Variants in VPS35L observed in about 807,000 individuals in gnomAD.
VPS35L encodes VPS35 endosomal protein sorting factor like.
A neutral mutation model predicts 133.0 loss-of-function variants in VPS35L; 83 were observed. The observed-to-expected ratio is 0.62, with a 90% CI of 0.52 to 0.75. The LOEUF (loss-of-function observed/expected upper bound fraction) is 0.75. VPS35L is among the 30% of genes least tolerant of loss of function. The probability of loss-of-function intolerance (pLI) is 0.00; values close to 1 mark genes in which losing one functional copy is unlikely to be tolerated. For missense variants in VPS35L, 1,083 were observed against 1,206.8 expected (o/e 0.90, Z 1.52); for synonymous variants, 423 against 449.9 (o/e 0.94, Z 0.76).
intron 29 of VPS35L, among the ~76,000 whole-genome samples, chr16:19,692,855 G>A (rs968454604): frequency 2.0e-5 from 3 of 152,194 alleles, no homozygotes; most frequent in Non-Finnish European, 4.4e-5. Flanking sequence ...GAGCTATTGC[G>A]CCCGGCCAAT....
intron 14 of VPS35L, among the ~76,000 whole-genome samples, chr16:19,624,578 C>T (rs1159722204): frequency 2.0e-5 from 3 of 148,056 alleles, no homozygotes; most frequent in Non-Finnish European, 3.0e-5. Flanking sequence ...GAGTAAGACT[C>T]GTCTCTCTGT....
intron 18 of VPS35L, among the ~76,000 whole-genome samples, chr16:19,630,481 C>T (rs1973416975): frequency 6.6e-6 from 1 of 151,906 alleles, no homozygotes; most frequent in African/African-American, 2.4e-5. Flanking sequence ...CTACAGGCGC[C>T]TGCCACCACG....
In VPS35L at chr16:19,617,059, A is replaced by C. The variant is rs931231249; in HGVS notation, c.1224+251A>C. The C allele has an allele frequency of 8.0e-6, 5 of 622,960 alleles. No homozygotes were observed. In the African/African-American group the frequency reaches 9.2e-5, roughly 11 times the overall value. 38.6% of individuals were successfully genotyped at this position (622,960 alleles called of 1,614,324 possible). ...GCCATGTACCTAAGTGAGGCCACAC[A>C]GCTAGAAAGCAGTTTGGTGGCTGGG... is the stretch of plus-strand genomic sequence containing the variant. On this transcript the variant is annotated intron_variant, in intron 14 of 30. Transcript: ENST00000417362.
chr16:19,610,027 CT>C (rs1449775271), intron 11 of VPS35L, among the ~76,000 whole-genome samples: 1 of 152,074 alleles, frequency 6.6e-6, no homozygotes, highest in Non-Finnish European at 1.5e-5. Context: ...AAGACAAAAA[CT>C]GTTAAAATTA....
chr16:19,624,835 C>T (rs1005229949), intron 14 of VPS35L, among the ~76,000 whole-genome samples: 5 of 152,054 alleles, frequency 3.3e-5, no homozygotes, highest in African/African-American at 1.2e-4. Context: ...GGATAATGTT[C>T]CATGGACCTC....
chr16:19,691,489 T>C lies in VPS35L; in HGVS notation c.2646+18T>C, dbSNP rs575104345. 7 of 1,582,496 alleles carry C rather than the reference T, an allele frequency of 4.4e-6. No individual in the cohort carries two copies. In the African/African-American group the frequency reaches 5.4e-5, roughly 12 times the overall value. ...AGGACGAGGTGGGTGCCCTCTGCTG[T>C]CCTCCACCCGCCCCTTGCTCTGAAA... On this transcript the variant is annotated intron_variant, in intron 29 of 30. Coordinates refer to ENST00000417362, the MANE Select transcript of VPS35L (RefSeq NM_020314.7).
chr16:19,700,250 C>T, intron 30 of VPS35L, 128 bp from the exon 31 acceptor site: 2 of 751,840 alleles, frequency 2.7e-6, no homozygotes, highest in Non-Finnish European at 4.4e-6. Context: ...CTTCCCTCCT[C>T]TCATCCCTCA....
Position 19,564,923 on chromosome 16 carries a change from G to C in VPS35L, c.90G>C (p.Gly30=), listed in dbSNP as rs1971139977. The change falls in exon 2 of 31, where the codon GGG becomes GGC. Residue 30 remains glycine, a synonymous_variant. Coordinates refer to ENST00000417362, the MANE Select transcript of VPS35L (RefSeq NM_020314.7). The part of the protein sequence containing the change: ...CRLEAVPLEF[G]DYHPLKPITV... Reference sequence around the variant, plus strand: ...TGGAGGCTGTACCATTGGAGTTTGGGGACTATCACCCTCTGAAACCCATAA... The same window carrying C: ...TGGAGGCTGTACCATTGGAGTTTGGCGACTATCACCCTCTGAAACCCATAA... The C allele has an allele frequency of 6.2e-7, 1 of 1,612,518 alleles. No homozygotes were observed. The highest frequency in any genetic ancestry group is 1.7e-5 in the Admixed American group (1 of 59,954).
intron 7 of VPS35L, among the ~76,000 whole-genome samples, chr16:19,591,042 C>T (rs1189810264): frequency 6.6e-6 from 1 of 152,152 alleles, no homozygotes; most frequent in Non-Finnish European, 1.5e-5. Flanking sequence ...TAGAATTCAG[C>T]AATTCCCCGC....
Position 19,608,268 on chromosome 16 carries a change from C to T in VPS35L, c.875C>T (p.Pro292Leu), listed in dbSNP as rs1306913015. 1 of 1,568,512 alleles carries T rather than the reference C, an allele frequency of 6.4e-7. No homozygotes were observed. Among genetic ancestry groups the T allele is most frequent in the Non-Finnish European group, 8.7e-7 (1 of 1,146,494 alleles). Residue 292 changes from proline (P) to leucine (L), a missense_variant, in exon 10 of 31, where the codon CCA (proline) becomes CTA (leucine). Pro to Leu is a moderately conservative substitution (Grantham distance 98, BLOSUM62 -3). Transcript: ENST00000417362. ...FKIASIRELI[P>L]RFYVEASILK... Reference sequence around the variant, plus strand: ...ATTGCCTCCATCAGGGAACTCATTCCAAGATTGTATCCTTTTTTTTTTTTT... The same window carrying T: ...ATTGCCTCCATCAGGGAACTCATTCTAAGATTGTATCCTTTTTTTTTTTTT...
chr16:19,636,928 T>A (rs1035415884), intron 19 of VPS35L, among the ~76,000 whole-genome samples: 2 of 152,178 alleles, frequency 1.3e-5, no homozygotes, highest in African/African-American at 2.4e-5. Context: ...TACCTTGGCC[T>A]TTAACTCTAC....
chr16:19,681,645 A>C (rs1975283374), intron 27 of VPS35L, among the ~76,000 whole-genome samples: 1 of 152,226 alleles, frequency 6.6e-6, no homozygotes, highest in Non-Finnish European at 1.5e-5. Context: ...AGCATCTGAG[A>C]AACACTGTTT....
At chr16:19,694,001 T>C in intron 29 of VPS35L, 2 of 132,580 alleles carry the variant, frequency 1.5e-5, no homozygotes, top group South Asian at 5.0e-4. Context: ...TAAAAGGGAA[T>C]AAGTTCTAAT....
At position 19,683,583 on chromosome 16, in the gene VPS35L, A is replaced by G. The variant is rs141582571; in HGVS notation, c.2527+1193A>G. Among the ~76,000 whole-genome samples the G allele has an allele frequency of 2.6e-5, 4 of 152,346 alleles. No homozygotes were observed. In the East Asian group the frequency reaches 7.7e-4, roughly 29 times the overall value. On this transcript the variant is annotated intron_variant, in intron 28 of 30. Coordinates refer to ENST00000417362, the MANE Select transcript of VPS35L (RefSeq NM_020314.7). The stretch of plus-strand genomic sequence containing the variant: ...TTTCTGTTTCTGCACTAGTTCACTT[A>G]GGATAATGGCCTCCAGTTGCACCCA...
chr16:19,640,104 A>G lies in VPS35L; in HGVS notation c.1784+4A>G. 6.2e-7 allele frequency: 1 copy of G among 1,612,476 alleles called. No homozygotes were observed. The highest frequency in any genetic ancestry group is 8.5e-7 in the Non-Finnish European group (1 of 1,178,522). On this transcript the variant is annotated splice_donor_region_variant and intron_variant, in intron 21 of 30. Transcript: ENST00000417362. ...GCATCATGGACGCCTTTATCAAGTG[A>G]GTGCCACTGCGTGCAGCAGAAGCCT...
chr16:19,649,472 A>G (rs74011480), intron 24 of VPS35L, among the ~76,000 whole-genome samples: 7,731 of 152,294 alleles, frequency 0.051, 639 homozygotes, highest in African/African-American at 0.17. Context: ...GCCACGAAAA[A>G]CAAGTTTTAC....
intron 18 of VPS35L, among the ~76,000 whole-genome samples, chr16:19,631,295 G>T (rs1003264220): frequency 6.6e-6 from 1 of 152,082 alleles, no homozygotes; most frequent in African/African-American, 2.4e-5. Flanking sequence ...ATTTTCACAA[G>T]GTATGACCAT....
Position 19,588,187 on chromosome 16 carries a change from G to T in VPS35L, c.640-3603G>T, listed in dbSNP as rs201155445. ...TGTATGTATGTATGTATGTATGTAT[G>T]TATTTATTTATTGAGACAGAGTCTT... On this transcript the variant is annotated intron_variant, in intron 7 of 30. Coordinates refer to ENST00000417362, the MANE Select transcript of VPS35L (RefSeq NM_020314.7). Among the ~76,000 whole-genome samples the T allele has an allele frequency of 1.0e-3, 154 of 149,976 alleles. 1 individual carries two copies. The highest frequency in any genetic ancestry group is 2.4e-3 in the East Asian group (12 of 4,996).
chr16:19,578,223 A>G (rs1207061258), intron 5 of VPS35L: 3 of 446,858 alleles, frequency 6.7e-6, no homozygotes, highest in African/African-American at 2.0e-5. Flanking sequence ...AACCTAAAAC[A>G]TTTGTCAGGC....
Sources: allele counts gnomAD v4.1 joint callset (sites outside exome capture counted in the v4.1 genomes callset), GRCh38; gene constraint gnomAD v4.1.1; transcripts MANE v1.5; gene names NCBI Gene and HGNC (gene_info 2026-07-23, HGNC 2026-07-21).